The following DSCAM variants were observed in gnomAD, a reference collection of about 807,000 sequenced individuals.
DSCAM encodes DS cell adhesion molecule.
In DSCAM, 47 loss-of-function variants were observed where a neutral mutation model predicts 217.7. The observed-to-expected ratio is 0.22, with a 90% CI of 0.17 to 0.28. The LOEUF (loss-of-function observed/expected upper bound fraction) is 0.28. DSCAM is among the 10% of genes least tolerant of loss of function. DSCAM has a pLI of 1.00. For synonymous variants in DSCAM, 1,056 were observed against 1,015.3 expected (o/e 1.04, Z -0.76); for missense variants, 2,080 against 2,618.3 (o/e 0.79, Z 4.49).
intron 11 of DSCAM, among the ~76,000 whole-genome samples, chr21:40,189,451 G>A (rs74497385): frequency 0.015 from 2,238 of 152,276 alleles, 41 homozygotes; most frequent in African/African-American, 0.036. Flanking sequence ...TTGCCATGCC[G>A]TTTCATATCC....
At position 40,518,371 on chromosome 21, in the gene DSCAM, A is replaced by T. The variant is rs200755396; in HGVS notation, c.509-149126T>A. Among the ~76,000 whole-genome samples the T allele has an allele frequency of 5.5e-4, 20 of 36,070 alleles. 1 individual carries two copies. The East Asian group carries it at 5.8e-3, about 10-fold the overall frequency. 23.7% of individuals were successfully genotyped at this position (36,070 alleles called of 152,430 possible). ...ATGCAGTTTGCCCATATATATATAT[A>T]ATATATATATAATATATTATATATA... On this transcript the variant is annotated intron_variant, in intron 3 of 32. Transcript: ENST00000400454.
intron 3 of DSCAM, among the ~76,000 whole-genome samples, chr21:40,423,480 G>C (rs899206677): frequency 1.3e-5 from 2 of 152,206 alleles, no homozygotes; most frequent in Non-Finnish European, 2.9e-5. Flanking sequence ...GAAGAGTCAT[G>C]GGAAAGGGGT....
chr21:40,402,267 C>T (rs542944579), intron 3 of DSCAM, among the ~76,000 whole-genome samples: 2 of 149,414 alleles, frequency 1.3e-5, no homozygotes, highest in Admixed American at 1.4e-4. Context: ...GACGGGGTTT[C>T]ACTGTGTTAG....
At chr21:40,721,787 A>G (rs1420987759) in intron 1 of DSCAM, among the ~76,000 whole-genome samples, 1 of 152,168 alleles carries the variant, frequency 6.6e-6, no homozygotes, top group Non-Finnish European at 1.5e-5. Flanking sequence ...TCAAACTTTA[A>G]TGAACACTAG....
At chr21:40,842,273 G>A (rs1206178392) in intron 1 of DSCAM, among the ~76,000 whole-genome samples, 3 of 152,260 alleles carry the variant, frequency 2.0e-5, no homozygotes, top group African/African-American at 7.2e-5. Context: ...GCTTGTTTGT[G>A]TGGGCACACC....
intron 26 of DSCAM, 118 bp from the exon 27 acceptor site, chr21:40,075,331 A>G: frequency 9.2e-7 from 1 of 1,091,778 alleles, no homozygotes; most frequent in Non-Finnish European, 1.3e-6. Flanking sequence ...AGGTGATGAG[A>G]AATGAAAAGA....
At chr21:40,842,512 T>C (rs926050713) in intron 1 of DSCAM, among the ~76,000 whole-genome samples, 1 of 152,196 alleles carries the variant, frequency 6.6e-6, no homozygotes, top group African/African-American at 2.4e-5. Flanking sequence ...GATAAACCCA[T>C]CCTTTTATTT....
At chr21:40,145,580 C>T (rs12151971) in intron 16 of DSCAM, among the ~76,000 whole-genome samples, 1 of 151,878 alleles carries the variant, frequency 6.6e-6, no homozygotes, top group Non-Finnish European at 1.5e-5. Flanking sequence ...CGCGGTGGCT[C>T]ACACCTGTAA....
At position 40,758,757 on chromosome 21, in the gene DSCAM, G is replaced by T. The variant is rs1215275080; in HGVS notation, c.44-49986C>A. Among the ~76,000 whole-genome samples, 3 of 151,986 alleles carry T rather than the reference G, an allele frequency of 2.0e-5. No individual in the cohort carries two copies. The East Asian group carries it at 5.8e-4, about 30-fold the overall frequency. On this transcript the variant is annotated intron_variant, in intron 1 of 32. Coordinates refer to ENST00000400454, the MANE Select transcript of DSCAM (RefSeq NM_001389.5). ...GGGGGCTAACCTGGCTCCTAAAAGGGCCTCTAGCCCAAAACTTCACACCCC... is the reference window on the plus strand; with the variant it reads ...GGGGGCTAACCTGGCTCCTAAAAGGTCCTCTAGCCCAAAACTTCACACCCC...
chr21:40,498,692 TATATAG>T lies in DSCAM; in HGVS notation c.509-129453_509-129448del, dbSNP rs1363943252. ...CCATATATATATATATATATATATA[TATATAG>T]ATATATATATATGGGTGTATATATA... is the stretch of plus-strand genomic sequence containing the variant. On this transcript the variant is annotated intron_variant, in intron 3 of 32. Transcript: ENST00000400454. 7.7e-3 allele frequency among the ~76,000 whole-genome samples: 44 copies of T among 5,690 alleles called. 3 individuals carry two copies. The highest frequency in any genetic ancestry group is 0.021 in the East Asian group (4 of 190). The allele number at this position is 5,690 out of a possible 152,430, so 3.7% of individuals were successfully genotyped here. A position where few individuals can be genotyped will look rare whatever the true frequency, so the allele number is the denominator to read the frequency against.
At chr21:40,129,321 A>C (rs2090130991) in intron 19 of DSCAM, among the ~76,000 whole-genome samples, 1 of 152,152 alleles carries the variant, frequency 6.6e-6, no homozygotes, top group Non-Finnish European at 1.5e-5. Flanking sequence ...TTCTCTTCCC[A>C]TGTCCATAAG....
intron 11 of DSCAM, among the ~76,000 whole-genome samples, chr21:40,271,079 C>T (rs2073609928): frequency 6.6e-6 from 1 of 152,190 alleles, no homozygotes; most frequent in African/African-American, 2.4e-5. Context: ...TAGCCAAGAC[C>T]CTGCAGACGG....
chr21:40,106,131 G>A (rs1160546877), intron 20 of DSCAM, among the ~76,000 whole-genome samples: 1 of 152,176 alleles, frequency 6.6e-6, no homozygotes. Flanking sequence ...GTTTTACATG[G>A]TGGCAGACAA....
At chr21:40,701,616 G>A (rs138144192) in intron 2 of DSCAM, among the ~76,000 whole-genome samples, 127 of 151,078 alleles carry the variant, frequency 8.4e-4, no homozygotes, top group African/African-American at 3.0e-3. Context: ...TATATTGTGT[G>A]TTCATTTCTT....
intron 11 of DSCAM, among the ~76,000 whole-genome samples, chr21:40,202,894 T>C (rs550184173): frequency 6.6e-6 from 1 of 152,360 alleles, no homozygotes; most frequent in Non-Finnish European, 1.5e-5. Context: ...CATTCCTTTT[T>C]CATTTGACTA....
At chr21:40,273,237 G>A (rs1279290183) in intron 11 of DSCAM, among the ~76,000 whole-genome samples, 1 of 152,096 alleles carries the variant, frequency 6.6e-6, no homozygotes, top group East Asian at 1.9e-4. Context: ...GTGTTACCCT[G>A]TTTAATTTTC....
At chr21:40,466,489 GTA>G (rs2145958858) in intron 3 of DSCAM, among the ~76,000 whole-genome samples, 1 of 152,296 alleles carries the variant, frequency 6.6e-6, no homozygotes, top group East Asian at 1.9e-4. Context: ...CCCTGCTTGA[GTA>G]CTCACAGTGA....
At chr21:40,119,513 G>A (rs934373526) in intron 20 of DSCAM, among the ~76,000 whole-genome samples, 22 of 152,034 alleles carry the variant, frequency 1.4e-4, no homozygotes, top group African/African-American at 4.8e-4. Flanking sequence ...TAAAAAATGC[G>A]AACTCTTTAA....
intron 20 of DSCAM, among the ~76,000 whole-genome samples, chr21:40,123,209 T>C (rs1251642898): frequency 6.6e-6 from 1 of 152,086 alleles, no homozygotes; most frequent in Non-Finnish European, 1.5e-5. Flanking sequence ...TGGAGATGGA[T>C]GGTGGTGATG....
Sources: allele counts gnomAD v4.1 joint callset (sites outside exome capture counted in the v4.1 genomes callset), GRCh38; gene constraint gnomAD v4.1.1; transcripts MANE v1.5; gene names NCBI Gene and HGNC (gene_info 2026-07-23, HGNC 2026-07-21).